LRRC27: variants seen among roughly 807,000 people sequenced by gnomAD.
LRRC27 encodes leucine-rich repeat-containing protein 27.
A neutral mutation model predicts 55.0 loss-of-function variants in LRRC27; 57 were observed. The observed-to-expected ratio is 1.04, with a 90% CI of 0.84 to 1.29. The LOEUF is 1.29. Ranked by LOEUF, LRRC27 falls within the 50% of genes most tolerant of loss-of-function variation. The probability of loss-of-function intolerance (pLI) is 0.00; values close to 1 mark genes in which losing one functional copy is unlikely to be tolerated. For synonymous variants in LRRC27, 278 were observed against 251.9 expected, an observed-to-expected ratio of 1.10 and a Z score of -0.98; for missense variants, 721 against 651.5, an observed-to-expected ratio of 1.11 and a Z score of -1.16.
intron 7 of LRRC27, chr10:132,353,172 GAGGA>G (rs1163270495): frequency 3.7e-5 from 53 of 1,420,786 alleles, no homozygotes; most frequent in African/African-American, 1.0e-4. Flanking sequence ...GGAGGTCGAG[GAGGA>G]AGGGAGAGCG....
intron 5 of LRRC27, 82 bp from the exon 6 acceptor site, chr10:132,347,902 C>T: frequency 6.7e-7 from 1 of 1,499,630 alleles, no homozygotes; most frequent in Non-Finnish European, 8.9e-7. Context: ...CCCCCACCAT[C>T]CAGGCCGTCA....
chr10:132,361,415 A>G, intron 8 of LRRC27, 42 bp from the exon 9 acceptor site: 2 of 1,490,700 alleles, frequency 1.3e-6, no homozygotes, highest in Non-Finnish European at 1.9e-6. Flanking sequence ...GAAAAACATC[A>G]TCTACTGGGA....
At chr10:132,352,785 G>A in intron 7 of LRRC27, 1 of 1,371,370 alleles carries the variant, frequency 7.3e-7, no homozygotes. Context: ...CGGTTGCAGT[G>A]CTCGCGGTCG....
chr10:132,355,834 T>TGAGGAAGAGG lies in LRRC27; in HGVS notation c.1119_1128dup (p.Lys377GlufsTer31), dbSNP rs1482639090. 1.3e-6 allele frequency: 2 copies of TGAGGAAGAGG among 1,558,356 alleles called. No individual in the cohort carries two copies. The highest frequency in any genetic ancestry group is 3.8e-5 in the Admixed American group (2 of 52,006). ...GAGTGGAGAGAGCGAGCCCAGAGGA[T>TGAGGAAGAGG]GAGGAAGAGGAAGGAAGAGCTCAGC... is the stretch of plus-strand genomic sequence containing the variant. On this transcript the variant is annotated frameshift_variant, in exon 8 of 11. Transcript: ENST00000368614. LOFTEE classifies it high-confidence loss of function.
chr10:132,331,807 T>C (rs1296639425), upstream of LRRC27: 13 of 1,591,550 alleles, frequency 8.2e-6, no homozygotes, highest in Non-Finnish European at 1.1e-5. Context: ...TACTTGCCCG[T>C]CGACCACCAC....
At chr10:132,358,183 G>A (rs1229415729) in intron 8 of LRRC27, among the ~76,000 whole-genome samples, 1 of 152,264 alleles carries the variant, frequency 6.6e-6, no homozygotes, top group East Asian at 1.9e-4. Flanking sequence ...ATGGCAGGCA[G>A]TCCACAGAAG....
At chr10:132,355,737 G>T in intron 7 of LRRC27, 53 bp from the exon 8 acceptor site, 1 of 1,331,708 alleles carries the variant, frequency 7.5e-7, no homozygotes, top group Non-Finnish European at 1.1e-6. Context: ...GAATCCTGTA[G>T]CCTTGGCTCG....
At chr10:132,342,408 A>G in intron 4 of LRRC27, 137 bp downstream of exon 4, 1 of 615,104 alleles carries the variant, frequency 1.6e-6, no homozygotes. Flanking sequence ...TAGGACCAAG[A>G]TAATGTAGCT....
intron 4 of LRRC27, among the ~76,000 whole-genome samples, chr10:132,343,847 C>T (rs975954728): frequency 1.3e-5 from 2 of 152,238 alleles, no homozygotes; most frequent in Non-Finnish European, 2.9e-5. Flanking sequence ...CTCCTCATTC[C>T]GGGGACTTCG....
In LRRC27 at chr10:132,348,964, AC is replaced by A; in HGVS notation, c.926+609del. On this transcript the variant is annotated intron_variant, in intron 6 of 10. Coordinates refer to ENST00000368614, the MANE Select transcript of LRRC27 (RefSeq NM_030626.3). This position sits in a 1 kb window ranked among gnomAD's most constrained non-coding sequence, Gnocchi z 4.2. ...ATTTTATTTTCCTTTCACACCCAGG[AC>A]AAGGGTCCCTAGGAAACAGGCTCTG... is the stretch of plus-strand genomic sequence containing the variant. 1 of 1,603,258 alleles carries A rather than the reference AC, an allele frequency of 6.2e-7. No homozygotes were observed. The highest frequency in any genetic ancestry group is 2.2e-5 in the East Asian group (1 of 44,522).
At position 132,366,772 on chromosome 10, in the gene LRRC27, C is replaced by T. The variant is rs555302214; in HGVS notation, c.1416+1222C>T. On this transcript the variant is annotated intron_variant, in intron 10 of 10. Transcript: ENST00000368614. ...AGCACTGTCACGGGGGAGGAAGCAACCCTGGCCTTCCTGTCCCCACACCCC... is the reference window on the plus strand; with the variant it reads ...AGCACTGTCACGGGGGAGGAAGCAATCCTGGCCTTCCTGTCCCCACACCCC... The T allele has an allele frequency of 1.1e-5, 12 of 1,115,228 alleles. No homozygotes were observed. In the African/African-American group the frequency reaches 2.0e-4, roughly 18 times the overall value. 69.1% of individuals were successfully genotyped at this position (1,115,228 alleles called of 1,614,324 possible).
intron 3 of LRRC27, among the ~76,000 whole-genome samples, chr10:132,340,871 A>G (rs2067379284): frequency 7.4e-6 from 1 of 135,862 alleles, no homozygotes; most frequent in Non-Finnish European, 1.6e-5. Context: ...ACAGAGTGAG[A>G]CTCCATCTCA....
At chr10:132,347,405 C>A (rs568032892) in intron 5 of LRRC27, among the ~76,000 whole-genome samples, 1 of 142,090 alleles carries the variant, frequency 7.0e-6, no homozygotes, top group African/African-American at 2.7e-5. Context: ...GAAGGTCAGG[C>A]GTGTCTCATG....
intron 2 of LRRC27, chr10:132,337,323 C>CG (rs2067184447): frequency 1.5e-6 from 2 of 1,314,610 alleles, no homozygotes; most frequent in Non-Finnish European, 1.9e-6. Context: ...AGCAGAGTGC[C>CG]GGCTCTTCAG....
chr10:132,352,483 G>A, intron 7 of LRRC27, among the ~76,000 whole-genome samples: 1 of 83,362 alleles, frequency 1.2e-5, no homozygotes, highest in Non-Finnish European at 2.5e-5. Flanking sequence ...TCCGTGTGGG[G>A]CAGGCGCTGA....
At chr10:132,341,517 C>T (rs894628111) in intron 3 of LRRC27, among the ~76,000 whole-genome samples, 2 of 152,148 alleles carry the variant, frequency 1.3e-5, no homozygotes, top group African/African-American at 4.8e-5. Flanking sequence ...TCTTTCCTGT[C>T]CGTCTGTCTA....
chr10:132,364,257 G>C (rs1315222638), intron 9 of LRRC27, among the ~76,000 whole-genome samples: 2 of 150,470 alleles, frequency 1.3e-5, no homozygotes, highest in Non-Finnish European at 3.0e-5. Flanking sequence ...GAGAGGCTGA[G>C]TGAGACTGTG....
intron 10 of LRRC27, chr10:132,366,834 C>A: frequency 7.9e-7 from 1 of 1,266,322 alleles, no homozygotes; most frequent in Non-Finnish European, 1.0e-6. Context: ...CCGCTGTTTC[C>A]CTCTCTCCTA....
chr10:132,380,720 C>A lies in LRRC27; in HGVS notation c.*5478C>A, dbSNP rs1025542608. On this transcript the variant is annotated 3_prime_UTR_variant, in exon 11 of 11. Transcript: ENST00000368614. ...TTCATGTTGAGCGCAATACTGTAAA[C>A]CTTGAAGAACACTTTGGGACCCATA... Among the ~76,000 whole-genome samples, 1 of 152,134 alleles carries A rather than the reference C, an allele frequency of 6.6e-6. No homozygotes were observed. Among genetic ancestry groups the A allele is most frequent in the African/African-American group, 2.4e-5 (1 of 41,428 alleles).
Sources: allele counts gnomAD v4.1 joint callset (sites outside exome capture counted in the v4.1 genomes callset), GRCh38; gene constraint gnomAD v4.1.1; non-coding constraint Gnocchi (gnomAD v3.1); transcripts MANE v1.5; gene names NCBI Gene and HGNC (gene_info 2026-07-23, HGNC 2026-07-21).